ZNF831: variants seen among roughly 807,000 people sequenced by gnomAD.
ZNF831 encodes chromosome 20 open reading frame 174.
A neutral mutation model predicts 95.8 loss-of-function variants in ZNF831; 59 were observed. The ratio of observed to expected loss-of-function variants is 0.62; its 90% CI spans 0.50 to 0.77. The LOEUF is 0.77. Ranked by LOEUF, ZNF831 falls within the 30% of genes least tolerant of loss-of-function variation. The pLI is 0.00. For missense variants in ZNF831, 2,205 were observed against 2,164.0 expected (o/e 1.02, Z -0.38); for synonymous variants, 961 against 925.5 (o/e 1.04, Z -0.70).
At chr20:59,165,269 G>T (rs776776587) in intron 1 of ZNF831, among the ~76,000 whole-genome samples, 34 of 152,140 alleles carry the variant, frequency 2.2e-4, no homozygotes, top group Non-Finnish European at 8.8e-5. Context: ...CTTTTCTCCT[G>T]GTAGAGACCA....
intron 1 of ZNF831, among the ~76,000 whole-genome samples, chr20:59,189,207 T>TA (rs1254251473): frequency 1.3e-5 from 2 of 151,898 alleles, no homozygotes; most frequent in Non-Finnish European, 2.9e-5. Context: ...AATAAAAAAA[T>TA]AAAAAAATCC....
chr20:59,135,690 C>T (rs1161345500), intron 1 of ZNF831, among the ~76,000 whole-genome samples: 3 of 152,044 alleles, frequency 2.0e-5, no homozygotes. Context: ...GAGACTGTGC[C>T]ACTGCACTCC....
intron 1 of ZNF831, among the ~76,000 whole-genome samples, chr20:59,127,889 C>T (rs575696521): frequency 1.6e-3 from 249 of 152,354 alleles, no homozygotes; most frequent in Middle Eastern, 6.8e-3. Flanking sequence ...CAGAGTGGAG[C>T]CTTCCATTCT....
chr20:59,208,845 C>T lies in ZNF831; in HGVS notation c.4027+1789C>T, dbSNP rs1378103790. On this transcript the variant is annotated intron_variant, in intron 4 of 5. Coordinates refer to ENST00000371030, the MANE Select transcript of ZNF831 (RefSeq NM_178457.3). This position sits in a 1 kb window ranked among gnomAD's most constrained non-coding sequence, Gnocchi z 4.2. ...AGGTTCTGATGGTCACTGGTGGAATCCAACAGAATCAGCCAGAGCTCTGCC... is the reference window on the plus strand; with the variant it reads ...AGGTTCTGATGGTCACTGGTGGAATTCAACAGAATCAGCCAGAGCTCTGCC... Among the ~76,000 whole-genome samples the T allele has an allele frequency of 6.6e-6, 1 of 152,088 alleles. No individual in the cohort carries two copies. The highest frequency in any genetic ancestry group is 1.5e-5 in the Non-Finnish European group (1 of 68,006).
intron 1 of ZNF831, among the ~76,000 whole-genome samples, chr20:59,176,202 T>C (rs1982147443): frequency 6.6e-6 from 1 of 152,150 alleles, no homozygotes; most frequent in African/African-American, 2.4e-5. Context: ...TTGTCCTGAA[T>C]GAAAGAAGCT....
chr20:59,182,915 C>G (rs115332472), intron 1 of ZNF831, among the ~76,000 whole-genome samples: 1 of 152,188 alleles, frequency 6.6e-6, no homozygotes, highest in African/African-American at 2.4e-5. Context: ...CTTCCAGACC[C>G]TTCTAGAATC....
intron 1 of ZNF831, among the ~76,000 whole-genome samples, chr20:59,137,716 G>A (rs1208943693): frequency 2.0e-5 from 3 of 152,210 alleles, no homozygotes; most frequent in African/African-American, 7.2e-5. Flanking sequence ...AGTGGTGCCA[G>A]CAGAGCATTT....
chr20:59,166,715 A>G (rs1051898338), intron 1 of ZNF831, among the ~76,000 whole-genome samples: 33 of 152,304 alleles, frequency 2.2e-4, no homozygotes, highest in Non-Finnish European at 1.0e-4. Flanking sequence ...TTTTTCATTC[A>G]GCATAATTCT....
intron 1 of ZNF831, among the ~76,000 whole-genome samples, chr20:59,143,241 A>G (rs775001694): frequency 2.0e-5 from 3 of 152,156 alleles, no homozygotes; most frequent in Non-Finnish European, 4.4e-5. Flanking sequence ...TAGGGCCTAG[A>G]AAAGTGCTCA....
In ZNF831 at chr20:59,207,127, G is replaced by A. The variant is rs144824679; in HGVS notation, c.4027+71G>A. The A allele has an allele frequency of 1.3e-3, 2,077 of 1,560,660 alleles. 56 individuals carry two copies. The Admixed American group carries it at 0.036, about 27-fold the overall frequency. On this transcript the variant is annotated intron_variant, in intron 4 of 5. Transcript: ENST00000371030. ...ACCCGCCCAAGGCATAGACACTGGG[G>A]ATTTGGGATGGGCAGGAGTCAGCCC...
intron 3 of ZNF831, among the ~76,000 whole-genome samples, chr20:59,203,005 G>A (rs1034997187): frequency 1.3e-5 from 2 of 152,142 alleles, no homozygotes; most frequent in African/African-American, 2.4e-5. Context: ...CCACTGTGCT[G>A]TTGGAAATGG....
At position 59,138,964 on chromosome 20, in the gene ZNF831, C is replaced by T. The variant is rs1417194243; in HGVS notation, c.-1424-7267C>T. Among the ~76,000 whole-genome samples the T allele has an allele frequency of 2.0e-5, 3 of 152,124 alleles. No individual in the cohort carries two copies. In the South Asian group the frequency reaches 6.2e-4, roughly 32 times the overall value. ...TCGCAAATCCCCTCCTCAGAGAGGT[C>T]CTCTCCGTCCATTTCCCCAGAGCCA... On this transcript the variant is annotated intron_variant, in intron 1 of 7. Coordinates refer to the ZNF831 transcript ENST00000637017.
chr20:59,223,273 G>A (rs1227330020), intron 4 of ZNF831, among the ~76,000 whole-genome samples: 1 of 152,118 alleles, frequency 6.6e-6, no homozygotes, highest in Non-Finnish European at 1.5e-5. Context: ...CAGAATCCAG[G>A]ATTCTGCCGC....
chr20:59,157,520 C>G (rs1208316167), intron 2 of ZNF831, among the ~76,000 whole-genome samples: 3 of 152,156 alleles, frequency 2.0e-5, no homozygotes, highest in South Asian at 2.1e-4. Context: ...AGAGGATAGA[C>G]AGTGAGAAAT....
intron 1 of ZNF831, among the ~76,000 whole-genome samples, chr20:59,127,553 G>A (rs1280233102): frequency 2.0e-5 from 3 of 152,178 alleles, no homozygotes; most frequent in Admixed American, 2.0e-4. Flanking sequence ...TGGTTGACAC[G>A]TGCTTTCCTC....
intron 1 of ZNF831, among the ~76,000 whole-genome samples, chr20:59,142,297 G>A (rs942062206): frequency 6.6e-6 from 1 of 152,182 alleles, no homozygotes; most frequent in Non-Finnish European, 1.5e-5. Context: ...CTCATGGTGG[G>A]AAGCACTTGA....
intron 3 of ZNF831, among the ~76,000 whole-genome samples, chr20:59,198,030 G>C (rs1984250114): frequency 6.6e-6 from 1 of 152,158 alleles, no homozygotes; most frequent in African/African-American, 2.4e-5. Context: ...CTCATTAACA[G>C]CTCCCACTTT....
At position 59,192,797 on chromosome 20, in the gene ZNF831, G is replaced by A. The variant is rs761881294; in HGVS notation, c.1778G>A (p.Arg593Gln). The change falls in exon 2 of 6, where the codon CGG becomes CAG. Residue 593 changes from arginine to glutamine, a missense_variant. Transcript: ENST00000371030. The surrounding 1 kb of genome is among the most constrained non-coding windows in gnomAD (Gnocchi z 5.2). ...ACAGACGCAAAGAGAACTGCTGCGC[G>A]GGAGGCCATGGCCGGCAAGGGCAGA... ...EDTDAKRTAA[R>Q]EAMAGKGRAG... 4.3e-6 allele frequency: 7 copies of A among 1,612,080 alleles called. No individual in the cohort carries two copies. The highest frequency in any genetic ancestry group is 1.7e-5 in the Admixed American group (1 of 59,910).
At chr20:59,225,198 CTAAGAAAACCCACT>C (rs1986351341) in intron 4 of ZNF831, among the ~76,000 whole-genome samples, 1 of 152,132 alleles carries the variant, frequency 6.6e-6, no homozygotes. Flanking sequence ...TGCATTAAAG[CTAAGAAAACCCACT>C]TAACGTGGTT....
Sources: gnomAD v4.1 joint callset for allele counts (sites outside exome capture counted in the v4.1 genomes callset) on GRCh38, gnomAD v4.1.1 for gene constraint, Gnocchi (gnomAD v3.1) non-coding constraint, MANE v1.5 for transcripts, NCBI Gene and HGNC (gene_info 2026-07-23, HGNC 2026-07-21) for gene names.